The following AQP7B variants were observed in gnomAD, a reference collection of about 807,000 sequenced individuals.
AQP7B encodes the protein aquaporin 7B.
At chr2:94,594,543 C>T in the AQP7B span, among the ~76,000 whole-genome samples, 2 of 152,230 alleles carry the variant, frequency 1.3e-5, no homozygotes, top group African/African-American at 4.8e-5. Flanking sequence ...CATGGCCTGG[C>T]CATCTACCCC....
chr2:94,603,402 G>T, the AQP7B span: 3 of 1,607,266 alleles, frequency 1.9e-6, no homozygotes, highest in Non-Finnish European at 2.6e-6. Flanking sequence ...TCCACTTTTC[G>T]GGTGGAGAGC....
chr2:94,593,963 G>A, the AQP7B span, among the ~76,000 whole-genome samples: 2 of 152,148 alleles, frequency 1.3e-5, no homozygotes, highest in Non-Finnish European at 2.9e-5. Flanking sequence ...GAAGCTCTGA[G>A]GATCTAGTTG....
the AQP7B span, among the ~76,000 whole-genome samples, chr2:94,596,593 A>C: frequency 6.6e-6 from 1 of 152,170 alleles, no homozygotes; most frequent in African/African-American, 2.4e-5. Flanking sequence ...CTTCTCACTT[A>C]TATTGTGTAG....
At chr2:94,590,056 C>A in the AQP7B span, among the ~76,000 whole-genome samples, 2 of 152,234 alleles carry the variant, frequency 1.3e-5, no homozygotes, top group Admixed American at 1.3e-4. Flanking sequence ...CTCCCCCAGT[C>A]CCAGGCTGCT....
chr2:94,593,038 G>C, the AQP7B span, among the ~76,000 whole-genome samples: 2 of 151,648 alleles, frequency 1.3e-5, no homozygotes, highest in Non-Finnish European at 2.9e-5. Context: ...ATACTGCCCA[G>C]GCTGGTCTTG....
chr2:94,587,600 C>T, the AQP7B span, among the ~76,000 whole-genome samples: 1 of 152,118 alleles, frequency 6.6e-6, no homozygotes, highest in Admixed American at 6.5e-5. Flanking sequence ...GACACAGGCA[C>T]ATACACCTTC....
the AQP7B span, among the ~76,000 whole-genome samples, chr2:94,594,398 C>T: frequency 6.6e-6 from 1 of 152,232 alleles, no homozygotes; most frequent in African/African-American, 2.4e-5. Context: ...ACTTTCCAGC[C>T]TGCTCTCTCC....
chr2:94,601,937 G>A, the AQP7B span, among the ~76,000 whole-genome samples: 1 of 151,802 alleles, frequency 6.6e-6, no homozygotes, highest in Non-Finnish European at 1.5e-5. Context: ...GCTTGGGAAT[G>A]CCGCCTGAGG....
At chr2:94,600,787 G>A in the AQP7B span, among the ~76,000 whole-genome samples, 3 of 151,928 alleles carry the variant, frequency 2.0e-5, no homozygotes, top group African/African-American at 7.2e-5. Context: ...GCTAAGGCAG[G>A]AGAATCACTT....
the AQP7B span, chr2:94,602,378 G>C: frequency 9.0e-7 from 1 of 1,110,406 alleles, no homozygotes; most frequent in Non-Finnish European, 1.3e-6. Flanking sequence ...GGTCTTCCAG[G>C]CAATGCCAGG....
At chr2:94,593,819 C>T in the AQP7B span, among the ~76,000 whole-genome samples, 17 of 152,104 alleles carry the variant, frequency 1.1e-4, no homozygotes, top group African/African-American at 1.7e-4. Flanking sequence ...AGTCCCACCC[C>T]GCCACCTTCC....
chr2:94,593,605 C>A, the AQP7B span, among the ~76,000 whole-genome samples: 1 of 151,598 alleles, frequency 6.6e-6, no homozygotes, highest in Non-Finnish European at 1.5e-5. Context: ...CCTGCCTCAG[C>A]CTCCGAAGTA....
At chr2:94,595,956 T>A in the AQP7B span, among the ~76,000 whole-genome samples, 1 of 151,004 alleles carries the variant, frequency 6.6e-6, no homozygotes, top group East Asian at 2.0e-4. Flanking sequence ...CTAGAAGGAG[T>A]GTACAGAAAG....
chr2:94,604,547 G>C, the AQP7B span: 2 of 1,606,620 alleles, frequency 1.2e-6, no homozygotes, highest in Non-Finnish European at 1.7e-6. Flanking sequence ...ACCCTTACAT[G>C]AATCCATGGC....
the AQP7B span, chr2:94,588,410 C>T: frequency 1.1e-5 from 7 of 614,498 alleles, no homozygotes; most frequent in Non-Finnish European, 2.0e-5. Flanking sequence ...TGCCCCAGGG[C>T]TTCTCCCCTG....
the AQP7B span, among the ~76,000 whole-genome samples, chr2:94,587,344 T>A: frequency 6.6e-6 from 1 of 152,078 alleles, no homozygotes; most frequent in Non-Finnish European, 1.5e-5. Context: ...AGGAAGAAGA[T>A]CAAGATGCGC....
At chr2:94,591,476 C>T in the AQP7B span, among the ~76,000 whole-genome samples, 8 of 152,310 alleles carry the variant, frequency 5.3e-5, no homozygotes, top group South Asian at 6.2e-4. Context: ...CACTTCTCCA[C>T]CCATCTGTGG....
chr2:94,593,608 C>G, the AQP7B span, among the ~76,000 whole-genome samples: 1 of 151,600 alleles, frequency 6.6e-6, no homozygotes, highest in South Asian at 2.1e-4. Flanking sequence ...GCCTCAGCCT[C>G]CGAAGTAGCT....
chr2:94,593,408 C>T, the AQP7B span, among the ~76,000 whole-genome samples: 2 of 149,976 alleles, frequency 1.3e-5, no homozygotes, highest in African/African-American at 2.5e-5. Flanking sequence ...TGTCAGCTTC[C>T]GGGCATGCAG....
Sources: allele counts gnomAD v4.1 joint callset (sites outside exome capture counted in the v4.1 genomes callset), GRCh38; gene constraint gnomAD v4.1.1; transcripts MANE v1.5; gene names NCBI Gene and HGNC (gene_info 2026-07-23, HGNC 2026-07-21).